Variants in XDH observed in about 807,000 individuals in gnomAD.
XDH encodes the protein xanthine dehydrogenase.
Under a neutral mutation model 156.1 loss-of-function variants are expected in XDH, and 138 were observed. That is an observed-to-expected ratio of 0.88 (90% CI 0.77 to 1.02). The LOEUF is 1.02. Ranked by LOEUF, XDH falls within the 50% of genes least tolerant of loss-of-function variation. The probability of loss-of-function intolerance (pLI) is 0.00; values close to 1 mark genes in which losing one functional copy is unlikely to be tolerated. For missense variants in XDH, 1,849 were observed against 1,684.9 expected (o/e 1.10, Z -1.71); for synonymous variants, 669 against 625.7 (o/e 1.07, Z -1.03).
Position 31,403,059 on chromosome 2 carries a change from C to T in XDH, c.186G>A (p.Gln62=). ...CAGGCAAAGGATACACGATCTTGTTCTGCAGACGATCATACTTGGAGAGCA... is the reference window on the plus strand; with the variant it reads ...CAGGCAAAGGATACACGATCTTGTTTTGCAGACGATCATACTTGGAGAGCA... ...TVMLSKYDRL[Q]NKIVHFSANA... The change falls in exon 3 of 36, where the codon CAG becomes CAA. Residue 62 remains glutamine (Q), a synonymous_variant. Transcript: ENST00000379416. 1.9e-6 allele frequency: 3 copies of T among 1,614,142 alleles called. No individual in the cohort carries two copies. Among genetic ancestry groups the T allele is most frequent in the Non-Finnish European group, 1.7e-6 (2 of 1,180,028 alleles).
At chr2:31,357,310 G>C (rs1352010570) in intron 24 of XDH, among the ~76,000 whole-genome samples, 3 of 151,896 alleles carry the variant, frequency 2.0e-5, no homozygotes, top group African/African-American at 7.3e-5. Flanking sequence ...CAAAAACCCG[G>C]GTCTTTAAAA....
At chr2:31,393,942 T>C (rs905007838) in intron 6 of XDH, among the ~76,000 whole-genome samples, 11 of 152,074 alleles carry the variant, frequency 7.2e-5, no homozygotes, top group African/African-American at 2.7e-4. Context: ...TTTTTCCCTC[T>C]TGTTTATTTT....
At chr2:31,352,652 G>T (rs535134274) in intron 24 of XDH, among the ~76,000 whole-genome samples, 2 of 152,152 alleles carry the variant, frequency 1.3e-5, no homozygotes, top group Admixed American at 1.3e-4. Context: ...AAATCTTGTA[G>T]GATGTCTAGG....
At chr2:31,375,246 T>C in intron 15 of XDH, 134 bp downstream of exon 15, 3 of 1,205,914 alleles carry the variant, frequency 2.5e-6, no homozygotes, top group South Asian at 1.2e-5. Context: ...TCCAAGATTC[T>C]TGTGCTGTGA....
At chr2:31,341,487 C>T in intron 32 of XDH, 93 bp from the exon 33 acceptor site, 2 of 1,322,980 alleles carry the variant, frequency 1.5e-6, no homozygotes, top group Non-Finnish European at 2.1e-6. Context: ...ACTACAAGTG[C>T]CAACCAAAGA....
At position 31,403,134 on chromosome 2, in the gene XDH, A is replaced by T. The variant is rs765846803; in HGVS notation, c.111T>A (p.Ser37Arg). ...CCTCTCCACAGCCGAGCTTGGTTCCACTCAGCCCCACTGGGTGGTCAAGAG... is the reference window on the plus strand; with the variant it reads ...CCTCTCCACAGCCGAGCTTGGTTCCTCTCAGCCCCACTGGGTGGTCAAGAG... ...LAYLRRKLGL[S>R]GTKLGCGEGG... is the part of the protein sequence containing the mutation. The change falls in exon 3 of 36, where the codon AGT becomes AGA. Residue 37 changes from serine to arginine, a missense_variant. Coordinates refer to ENST00000379416, the MANE Select transcript of XDH (RefSeq NM_000379.4). The T allele has an allele frequency of 1.2e-6, 2 of 1,614,020 alleles. No homozygotes were observed. The highest frequency in any genetic ancestry group is 1.7e-6 in the Non-Finnish European group (2 of 1,179,994).
At chr2:31,398,245 A>C (rs1240453792) in intron 5 of XDH, among the ~76,000 whole-genome samples, 2 of 152,156 alleles carry the variant, frequency 1.3e-5, no homozygotes, top group Admixed American at 1.3e-4. Flanking sequence ...AAATCATATC[A>C]CTAGCCCCCG....
At chr2:31,367,830 C>T (rs559105172) in intron 20 of XDH, 131 bp downstream of exon 20, 11 of 903,388 alleles carry the variant, frequency 1.2e-5, no homozygotes, top group African/African-American at 3.3e-5. Flanking sequence ...TTGCTACAAA[C>T]GTAAGAGGGA....
Position 31,341,502 on chromosome 2 carries a change from G to A in XDH, c.3520-108C>T, listed in dbSNP as rs551724990. The A allele has an allele frequency of 8.6e-6, 10 of 1,165,952 alleles. No homozygotes were observed. The East Asian group carries it at 1.0e-4, about 12-fold the overall frequency. The allele number at this position is 1,165,952 out of a possible 1,614,324, so 72.2% of individuals were successfully genotyped here. A position where few individuals can be genotyped will look rare whatever the true frequency, so the allele number is the denominator to read the frequency against. On this transcript the variant is annotated intron_variant, in intron 32 of 35. Transcript: ENST00000379416. ...ACTACAAGTGCCAACCAAAGAGTAC[G>A]TTCCCAAGCAGAAAGCCCTGGGTGT...
chr2:31,356,264 G>C (rs529058311), intron 24 of XDH, among the ~76,000 whole-genome samples: 1 of 152,110 alleles, frequency 6.6e-6, no homozygotes, highest in Non-Finnish European at 1.5e-5. Flanking sequence ...ACCACCATCA[G>C]GATCTAGTGG....
At chr2:31,404,257 C>A (rs1450889347) in intron 2 of XDH, among the ~76,000 whole-genome samples, 1 of 152,104 alleles carries the variant, frequency 6.6e-6, no homozygotes, top group Non-Finnish European at 1.5e-5. Flanking sequence ...GTGTCCTAGT[C>A]AGGATATATG....
rs1209324729 is a variant in XDH at position 31,379,890 on chromosome 2, T to C, written c.1219A>G (p.Ile407Val). The change falls in exon 13 of 36, where the codon ATA becomes GTA. Residue 407 changes from isoleucine to valine, a missense_variant. By Grantham distance (29) the Ile-to-Val change is conservative. Transcript: ENST00000379416. ...ACCTCCCTGCTGTAGGGGATCTCTA[T>C]GGAGAGCAGTATCTCCTCCGGGCTC... ...LLSPEEILLS[I>V]EIPYSREGEY... The C allele has an allele frequency of 3.7e-6, 6 of 1,614,172 alleles. No individual in the cohort carries two copies. In the South Asian group the frequency reaches 6.6e-5, roughly 18 times the overall value.
chr2:31,348,883 T>C lies in XDH; in HGVS notation c.3051+16A>G, dbSNP rs770589871. 3.7e-6 allele frequency: 6 copies of C among 1,608,614 alleles called. No individual in the cohort carries two copies. Among genetic ancestry groups the C allele is most frequent in the Non-Finnish European group, 5.1e-6 (6 of 1,174,962 alleles). ...CCAGTCCAGCGGAGATGGACACAAT[T>C]CTATAAAGCAATTACCTGATTCAGA... is the stretch of plus-strand genomic sequence containing the variant. On this transcript the variant is annotated intron_variant, in intron 27 of 35. Coordinates refer to ENST00000379416, the MANE Select transcript of XDH (RefSeq NM_000379.4).
chr2:31,367,289 C>T (rs1243659990), intron 20 of XDH, among the ~76,000 whole-genome samples: 1 of 152,284 alleles, frequency 6.6e-6, no homozygotes. Context: ...TTTCAAAAAC[C>T]ATCATTGTAA....
chr2:31,396,523 A>G (rs189722778), intron 6 of XDH, among the ~76,000 whole-genome samples: 3 of 152,342 alleles, frequency 2.0e-5, no homozygotes, highest in East Asian at 3.9e-4. Context: ...CTTTTCAAGA[A>G]GTACTTAATT....
intron 15 of XDH, among the ~76,000 whole-genome samples, chr2:31,374,693 T>A (rs930523055): frequency 1.3e-5 from 2 of 152,196 alleles, no homozygotes; most frequent in Admixed American, 6.5e-5. Flanking sequence ...ATCAGTGACA[T>A]CCTCTCCACT....
intron 24 of XDH, among the ~76,000 whole-genome samples, chr2:31,358,306 A>C (rs1685680826): frequency 6.6e-6 from 1 of 152,210 alleles, no homozygotes; most frequent in African/African-American, 2.4e-5. Flanking sequence ...CTCCAGGTCC[A>C]AACGATTTCA....
At chr2:31,379,075 CT>C (rs1686357751) in intron 13 of XDH, among the ~76,000 whole-genome samples, 1 of 152,202 alleles carries the variant, frequency 6.6e-6, no homozygotes, top group Non-Finnish European at 1.5e-5. Context: ...CACACTCTCT[CT>C]GACAGTGGCT....
Position 31,381,725 on chromosome 2 carries a change from G to A in XDH, c.1040C>T (p.Ser347Phe), listed in dbSNP as rs762162126. The change falls in exon 12 of 36, where the codon TCC becomes TTC. Residue 347 changes from serine (S) to phenylalanine (F), a missense_variant and splice_region_variant. Coordinates refer to ENST00000379416, the MANE Select transcript of XDH (RefSeq NM_000379.4). Reference sequence around the variant, plus strand: ...GGCAGTGATGATGTTCCCTCCAACGGACTAAAACAAGCAGAGAGCATGCAG... The same window carrying A: ...GGCAGTGATGATGTTCCCTCCAACGAACTAAAACAAGCAGAGAGCATGCAG... Reference protein sequence around the residue: ...FAGKQVKSVASVGGNIITASP... With the variant: ...FAGKQVKSVAFVGGNIITASP... The A allele has an allele frequency of 2.5e-6, 4 of 1,612,726 alleles. No homozygotes were observed. Among genetic ancestry groups the A allele is most frequent in the Non-Finnish European group, 3.4e-6 (4 of 1,179,386 alleles).
Sources: allele counts gnomAD v4.1 joint callset (sites outside exome capture counted in the v4.1 genomes callset), GRCh38; gene constraint gnomAD v4.1.1; transcripts MANE v1.5; gene names NCBI Gene and HGNC (gene_info 2026-07-23, HGNC 2026-07-21).